The following DBT variants were observed in gnomAD, a reference collection of about 807,000 sequenced individuals.
DBT encodes dihydrolipoamide branched chain transacylase E2, also known as lipoamide acyltransferase component of branched-chain alpha-keto acid dehydrogenase complex, mitochondrial.
A neutral mutation model predicts 51.3 loss-of-function variants in DBT; 40 were observed. The observed-to-expected ratio is 0.78, with a 90% confidence interval of 0.61 to 1.02. The LOEUF is 1.02. Ranked by LOEUF, DBT falls within the 50% of genes least tolerant of loss-of-function variation. The pLI is 0.00. For missense variants in DBT, 510 were observed against 580.2 expected (o/e 0.88, Z 1.24); for synonymous variants, 181 against 190.4 (o/e 0.95, Z 0.41).
At chr1:100,224,743 A>G (rs1663068560) in intron 4 of DBT, among the ~76,000 whole-genome samples, 1 of 151,960 alleles carries the variant, frequency 6.6e-6, no homozygotes, top group Non-Finnish European at 1.5e-5. Flanking sequence ...GAGGCTGGGC[A>G]TGGTAGCTCA....
intron 7 of DBT, among the ~76,000 whole-genome samples, chr1:100,212,459 C>T (rs1662207707): frequency 6.6e-6 from 1 of 151,758 alleles, no homozygotes; most frequent in Non-Finnish European, 1.5e-5. Context: ...ATCACTTGAA[C>T]CCAGGAGTTC....
chr1:100,218,557 G>C (rs1261505053), intron 5 of DBT, 69 bp downstream of exon 5: 1 of 1,559,622 alleles, frequency 6.4e-7, no homozygotes, highest in Non-Finnish European at 8.8e-7. Context: ...GGGATAGTTG[G>C]CTAATTTTTC....
Position 100,240,828 on chromosome 1 carries a change from A to G in DBT, c.108T>C (p.Tyr36=). ...ATGAAGGATAACCAAAGAAACACACATAATTTGGCTTCAAAACATGAACAT... is the reference window on the plus strand; with the variant it reads ...ATGAAGGATAACCAAAGAAACACACGTAATTTGGCTTCAAAACATGAACAT... The part of the protein sequence containing the change: ...CGNVHVLKPN[Y]VCFFGYPSFK... The change falls in exon 2 of 11, where the codon TAT becomes TAC. Residue 36 remains tyrosine (Y), a synonymous_variant. Coordinates refer to ENST00000370132, the MANE Select transcript of DBT (RefSeq NM_001918.5). 1.2e-6 allele frequency: 2 copies of G among 1,610,764 alleles called. No individual in the cohort carries two copies. The highest frequency in any genetic ancestry group is 1.7e-4 in the Middle Eastern group (1 of 5,982).
intron 8 of DBT, among the ~76,000 whole-genome samples, chr1:100,210,123 C>T (rs1662043670): frequency 6.6e-6 from 1 of 151,578 alleles, no homozygotes; most frequent in African/African-American, 2.4e-5. Flanking sequence ...CCAGCCTGGG[C>T]AACATAATGA....
At chr1:100,210,031 G>A (rs1662040814) in intron 8 of DBT, among the ~76,000 whole-genome samples, 1 of 151,950 alleles carries the variant, frequency 6.6e-6, no homozygotes, top group East Asian at 1.9e-4. Flanking sequence ...CCAGGAATTT[G>A]CCAGGCACAG....
Position 100,219,857 on chromosome 1 carries a change from T to C in DBT, c.434-1110A>G, listed in dbSNP as rs1266544971. On this transcript the variant is annotated intron_variant, in intron 4 of 10. Transcript: ENST00000370132. ...CTGCTTTGAATAGTTTAAGAAATGC[T>C]GTGGTGGCTGGGCATGGTTGCTCAC... Among the ~76,000 whole-genome samples the C allele has an allele frequency of 2.0e-5, 3 of 152,194 alleles. No individual in the cohort carries two copies. In the East Asian group the frequency reaches 5.8e-4, roughly 29 times the overall value.
rs571920900 is a variant in DBT at position 100,215,691 on chromosome 1, G to A, written c.772+292C>T. Among the ~76,000 whole-genome samples the A allele has an allele frequency of 5.3e-5, 8 of 152,120 alleles. No homozygotes were observed. The South Asian group carries it at 1.2e-3, about 24-fold the overall frequency. On this transcript the variant is annotated intron_variant, in intron 6 of 10. Transcript: ENST00000370132. ...CAAAAAATTAGCTGAGCATGGTGGC[G>A]TGCACCTGTAATCCCAGATACTCAG...
intron 1 of DBT, chr1:100,249,448 A>C (rs1205118358): frequency 2.1e-6 from 1 of 480,598 alleles, no homozygotes; most frequent in Non-Finnish European, 3.8e-6. Context: ...AAACGAATAT[A>C]TCTCTGGATC....
In DBT at chr1:100,218,719, AG is replaced by A; in HGVS notation, c.461del (p.Pro154LeufsTer13). ...GTGTATGTTCATCATGAGACACTGC[AG>A]GAGTTTCAACAACATCTTCTTCTGA... is the stretch of plus-strand genomic sequence containing the variant. ...KDSEEDVVET[P>X]AVSHDEHTHQ... On this transcript the variant is annotated frameshift_variant, in exon 5 of 11. Coordinates refer to ENST00000370132, the MANE Select transcript of DBT (RefSeq NM_001918.5). LOFTEE classifies it high-confidence loss of function. 6.2e-7 allele frequency: 1 copy of A among 1,613,938 alleles called. No individual in the cohort carries two copies. The highest frequency in any genetic ancestry group is 1.3e-5 in the African/African-American group (1 of 75,060).
At chr1:100,213,352 G>C in intron 7 of DBT, 3 of 1,529,398 alleles carry the variant, frequency 2.0e-6, no homozygotes, top group Non-Finnish European at 2.6e-6. Context: ...AGGCCGGCCA[G>C]GGCGACTACG....
rs1553228540 is a variant in DBT, at chr1:100,195,897, T to G, written c.*358A>C. On this transcript the variant is annotated 3_prime_UTR_variant, in exon 11 of 11. Transcript: ENST00000370132. ...CCAGGCTGGTCTCAAACTTCTAACC[T>G]CAGGTGATCCGCCCACCTGGGCCTC... 3 of 286,528 alleles carry G rather than the reference T, an allele frequency of 1.0e-5. No homozygotes were observed. Among genetic ancestry groups the G allele is most frequent in the Non-Finnish European group, 2.0e-5 (3 of 148,380 alleles). The allele number at this position is 286,528 out of a possible 1,614,324, so 17.7% of individuals were successfully genotyped here.
intron 5 of DBT, among the ~76,000 whole-genome samples, chr1:100,217,966 G>T (rs1662597710): frequency 6.6e-6 from 1 of 152,118 alleles, no homozygotes. Flanking sequence ...AACCCTCCAA[G>T]TCTTAAAATA....
At chr1:100,234,196 C>T (rs907525321) in intron 3 of DBT, among the ~76,000 whole-genome samples, 6 of 152,086 alleles carry the variant, frequency 3.9e-5, no homozygotes, top group Non-Finnish European at 2.9e-5. Flanking sequence ...CTTCTGAAAA[C>T]TAATCAAATG....
At chr1:100,229,632 C>T (rs755158818) in intron 4 of DBT, among the ~76,000 whole-genome samples, 13 of 152,222 alleles carry the variant, frequency 8.5e-5, no homozygotes, top group Non-Finnish European at 1.9e-4. Context: ...GTCAGCCAGA[C>T]ACTGTAATTC....
In DBT at chr1:100,206,280, G is replaced by A. The variant is rs1391072475; in HGVS notation, c.1231C>T (p.Pro411Ser). 1.1e-5 allele frequency: 17 copies of A among 1,611,692 alleles called. No homozygotes were observed. The highest frequency in any genetic ancestry group is 1.4e-5 in the Non-Finnish European group (16 of 1,178,854). The change falls in exon 10 of 11, where the codon CCA becomes TCA. Residue 411 changes from proline (P) to serine (S), a missense_variant. Physicochemically the swap from Pro to Ser is moderately conservative, Grantham distance 74 (BLOSUM62 -1). Coordinates refer to ENST00000370132, the MANE Select transcript of DBT (RefSeq NM_001918.5). ...IGSIGGTFAK[P>S]VIMPPEVAIG... Reference sequence around the variant, plus strand: ...GCTACTTCAGGTGGCATTATCACTGGTTTGGCAAAGGTACCACCAATCTAT... The same window carrying A: ...GCTACTTCAGGTGGCATTATCACTGATTTGGCAAAGGTACCACCAATCTAT...
chr1:100,211,861 T>C (rs533237935), intron 7 of DBT, among the ~76,000 whole-genome samples: 1 of 152,288 alleles, frequency 6.6e-6, no homozygotes, highest in South Asian at 2.1e-4. Context: ...AGCCTCAACG[T>C]CCTTGGCTCG....
At chr1:100,233,162 C>T (rs946809553) in intron 3 of DBT, among the ~76,000 whole-genome samples, 3 of 151,730 alleles carry the variant, frequency 2.0e-5, no homozygotes, top group African/African-American at 7.3e-5. Flanking sequence ...AGTTTGAGAC[C>T]AGCCTGGGCT....
chr1:100,236,516 C>A (rs528276207), intron 2 of DBT, among the ~76,000 whole-genome samples: 1 of 152,180 alleles, frequency 6.6e-6, no homozygotes, highest in Admixed American at 6.5e-5. Context: ...ATAAAAAATA[C>A]AAAATACATT....
In DBT at chr1:100,230,865, C is replaced by T. The variant is rs965803327; in HGVS notation, c.301G>A (p.Val101Ile). Residue 101 changes from valine (V) to isoleucine (I), a missense_variant, in exon 4 of 11, where the codon GTT (valine) becomes ATT (isoleucine). Val to Ile is a conservative substitution (Grantham distance 29). Coordinates refer to ENST00000370132, the MANE Select transcript of DBT (RefSeq NM_001918.5). Reference sequence around the variant, plus strand: ...GTAACAGAAGCTTTATCACTTTGAACTTCACAGATGCTATCAAACTGAGAC... The same window carrying T: ...GTAACAGAAGCTTTATCACTTTGAATTTCACAGATGCTATCAAACTGAGAC... ...TVSQFDSICE[V>I]QSDKASVTIT... is the part of the protein sequence containing the mutation. 1.2e-6 allele frequency: 2 copies of T among 1,608,758 alleles called. No homozygotes were observed. The highest frequency in any genetic ancestry group is 2.7e-5 in the African/African-American group (2 of 74,942).
Sources: allele counts gnomAD v4.1 joint callset (sites outside exome capture counted in the v4.1 genomes callset), GRCh38; gene constraint gnomAD v4.1.1; transcripts MANE v1.5; gene names NCBI Gene and HGNC (gene_info 2026-07-23, HGNC 2026-07-21).